The following DAB1 variants were observed in gnomAD, a reference collection of about 807,000 sequenced individuals.
The protein encoded by DAB1 is disabled homolog 1.
DAB1 carries 15 observed loss-of-function variants against 64.6 expected under a neutral mutation model. That is an observed-to-expected ratio of 0.23 (90% CI 0.16 to 0.36). The LOEUF is 0.36. DAB1 is among the 10% of genes least tolerant of loss of function. The probability of loss-of-function intolerance (pLI) is 1.00; values close to 1 mark genes in which losing one functional copy is unlikely to be tolerated. For missense variants in DAB1, 596 were observed against 706.7 expected, an observed-to-expected ratio of 0.84 and a Z score of 1.78; for synonymous variants, 235 against 251.9, an observed-to-expected ratio of 0.93 and a Z score of 0.64.
intron 9 of DAB1, chr1:57,033,547 T>C (rs1647031830): frequency 2.5e-6 from 4 of 1,612,804 alleles, no homozygotes; most frequent in African/African-American, 1.3e-5. Context: ...CAAACCGTTC[T>C]TCAAAATCCT....
chr1:58,331,240 G>A (rs1277868050), intron 4 of DAB1, among the ~76,000 whole-genome samples: 1 of 152,184 alleles, frequency 6.6e-6, no homozygotes, highest in Non-Finnish European at 1.5e-5. Flanking sequence ...CAGAAAACTA[G>A]AATTAGAAGT....
At chr1:57,785,607 A>G (rs1650302073) in intron 6 of DAB1, among the ~76,000 whole-genome samples, 1 of 152,196 alleles carries the variant, frequency 6.6e-6, no homozygotes, top group African/African-American at 2.4e-5. Context: ...TGGTGGAACT[A>G]GCAAGAGAAC....
rs200944104 is a variant in DAB1 at position 58,039,370 on chromosome 1, AC to A, written n.387+111140del. 9.2e-3 allele frequency among the ~76,000 whole-genome samples: 1,403 copies of A among 152,252 alleles called. 20 individuals are homozygous for A. The highest frequency in any genetic ancestry group is 0.032 in the African/African-American group (1,339 of 41,550). ...TCACCTGTTCCTTCCCACAGAAACCACAATAAAGGCTCTTGATCAGGGTCCT... is the reference window on the plus strand; with the variant it reads ...TCACCTGTTCCTTCCCACAGAAACCAAATAAAGGCTCTTGATCAGGGTCCT... On this transcript the variant is annotated intron_variant and non_coding_transcript_variant, in intron 5 of 20. Transcript: ENST00000485760.
At position 58,175,093 on chromosome 1, in the gene DAB1, C is replaced by T. The variant is rs572441067; in HGVS notation, n.310-24505G>A. On this transcript the variant is annotated intron_variant and non_coding_transcript_variant, in intron 4 of 20. Coordinates refer to the DAB1 transcript ENST00000485760. ...CCCTCCATTCTGCGGAAGCTTTGTT[C>T]TTTCACTCTTCACAATAAATCTTGC... 6.6e-5 allele frequency among the ~76,000 whole-genome samples: 10 copies of T among 152,348 alleles called. 1 individual carries two copies. In the East Asian group the frequency reaches 1.7e-3, roughly 26 times the overall value.
chr1:57,098,020 G>A (rs980411811), intron 4 of DAB1, among the ~76,000 whole-genome samples: 1 of 152,034 alleles, frequency 6.6e-6, no homozygotes, highest in African/African-American at 2.4e-5. Flanking sequence ...CTTGTGATCT[G>A]CCCGCCTCAG....
chr1:58,323,547 C>T (rs1301499645), intron 4 of DAB1, among the ~76,000 whole-genome samples: 1 of 152,138 alleles, frequency 6.6e-6, no homozygotes. Flanking sequence ...TAGCCTTTCT[C>T]ATTCTCCACA....
intron 4 of DAB1, among the ~76,000 whole-genome samples, chr1:58,172,527 G>A (rs898353917): frequency 5.9e-5 from 9 of 152,178 alleles, no homozygotes; most frequent in Middle Eastern, 3.2e-3. Context: ...CTTCAAATAC[G>A]TATGTGTGTA....
At chr1:57,842,105 T>G (rs1345259716) in intron 1 of DAB1, among the ~76,000 whole-genome samples, 1 of 152,224 alleles carries the variant, frequency 6.6e-6, no homozygotes, top group African/African-American at 2.4e-5. Flanking sequence ...CTTAGCAATT[T>G]CTTCCACCAG....
intron 4 of DAB1, among the ~76,000 whole-genome samples, chr1:58,216,215 T>C (rs1658844217): frequency 6.6e-6 from 1 of 151,872 alleles, no homozygotes; most frequent in Non-Finnish European, 1.5e-5. Context: ...GTGTGTGATG[T>C]TCCCCCGACT....
intron 2 of DAB1, among the ~76,000 whole-genome samples, chr1:57,260,071 A>G (rs1159959398): frequency 6.6e-6 from 1 of 152,126 alleles, no homozygotes; most frequent in Admixed American, 6.5e-5. Flanking sequence ...CACATAGAGA[A>G]CTCGGCCAAG....
At position 58,002,581 on chromosome 1, in the gene DAB1, G is replaced by T. The variant is rs567651409; in HGVS notation, n.388-118419C>A. On this transcript the variant is annotated intron_variant and non_coding_transcript_variant, in intron 5 of 20. Transcript: ENST00000485760. ...TTCTGTACATTGATCACACTTCTGA[G>T]TCATTTTCTATAATGCAAAGATAAC... Among the ~76,000 whole-genome samples the T allele has an allele frequency of 3.3e-5, 5 of 152,202 alleles. No homozygotes were observed. The South Asian group carries it at 1.0e-3, about 32-fold the overall frequency.
chr1:58,539,302 C>G, intron 1 of DAB1: 1 of 814,882 alleles, frequency 1.2e-6, no homozygotes, highest in Non-Finnish European at 2.1e-6. Context: ...CATTTTTTCA[C>G]TTGACTACCT....
intron 1 of DAB1, among the ~76,000 whole-genome samples, chr1:57,326,895 C>G (rs566822008): frequency 9.2e-5 from 14 of 152,158 alleles, no homozygotes; most frequent in African/African-American, 1.2e-4. Context: ...TACACAAACC[C>G]ACAGTGCTGT....
chr1:57,456,696 C>A (rs1686605940), intron 7 of DAB1, among the ~76,000 whole-genome samples: 1 of 152,084 alleles, frequency 6.6e-6, no homozygotes, highest in South Asian at 2.1e-4. Context: ...TTCACATTAA[C>A]TATAACCATT....
At chr1:57,235,144 G>C (rs933185075) in intron 2 of DAB1, among the ~76,000 whole-genome samples, 4 of 152,170 alleles carry the variant, frequency 2.6e-5, no homozygotes, top group African/African-American at 9.6e-5. Flanking sequence ...GCCTAACACA[G>C]AGTTATGTCC....
chr1:58,257,738 TA>T (rs1377773397), intron 4 of DAB1, among the ~76,000 whole-genome samples: 3 of 152,186 alleles, frequency 2.0e-5, no homozygotes, highest in Non-Finnish European at 2.9e-5. Flanking sequence ...TAAACAACTC[TA>T]CAAAACAGAC....
intron 5 of DAB1, among the ~76,000 whole-genome samples, chr1:58,041,057 A>G (rs1336952825): frequency 6.6e-6 from 1 of 152,186 alleles, no homozygotes; most frequent in East Asian, 1.9e-4. Flanking sequence ...ATCTTTGCAC[A>G]TGCTTTGCTG....
chr1:58,350,146 C>T (rs754204018), intron 3 of DAB1, among the ~76,000 whole-genome samples: 2 of 152,136 alleles, frequency 1.3e-5, no homozygotes, highest in African/African-American at 2.4e-5. Context: ...TAATGACTGC[C>T]ATTCTAAGTG....
intron 5 of DAB1, among the ~76,000 whole-genome samples, chr1:58,126,875 T>C (rs1368152017): frequency 2.0e-5 from 3 of 146,520 alleles, no homozygotes; most frequent in Non-Finnish European, 4.5e-5. Context: ...ACATTTGGGT[T>C]GGTTCCAAGT....
Sources: allele counts gnomAD v4.1 joint callset (sites outside exome capture counted in the v4.1 genomes callset), GRCh38; gene constraint gnomAD v4.1.1; transcripts MANE v1.5; gene names NCBI Gene and HGNC (gene_info 2026-07-23, HGNC 2026-07-21).